CYTH1: variants seen among roughly 807,000 people sequenced by gnomAD.
CYTH1 encodes the protein cytohesin 1, also known as cytohesin-1.
CYTH1 carries 18 observed loss-of-function variants against 61.8 expected under a neutral mutation model. The ratio of observed to expected loss-of-function variants is 0.29; its 90% CI spans 0.20 to 0.43. The LOEUF (loss-of-function observed/expected upper bound fraction) is 0.43. CYTH1 is among the 20% of genes least tolerant of loss of function. The probability of loss-of-function intolerance (pLI) is 1.00; values close to 1 mark genes in which losing one functional copy is unlikely to be tolerated. For synonymous variants in CYTH1, 174 were observed against 184.3 expected (o/e 0.94, Z 0.45); for missense variants, 336 against 510.5 (o/e 0.66, Z 3.29).
chr17:78,702,037 G>C, intron 5 of CYTH1, 85 bp downstream of exon 5: 6 of 1,175,484 alleles, frequency 5.1e-6, no homozygotes, highest in Non-Finnish European at 7.5e-6. Flanking sequence ...ACCCCTCCAA[G>C]AACTTCAGAG....
At chr17:78,683,095 T>C (rs1251805898) in intron 11 of CYTH1, among the ~76,000 whole-genome samples, 1 of 152,242 alleles carries the variant, frequency 6.6e-6, no homozygotes, top group Non-Finnish European at 1.5e-5. Flanking sequence ...ACTTTTCCAT[T>C]GAGTTTTCAC....
At chr17:78,698,424 T>C (rs953470116) in intron 8 of CYTH1, 44 bp from the exon 9 acceptor site, 4 of 1,484,896 alleles carry the variant, frequency 2.7e-6, no homozygotes, top group Non-Finnish European at 2.8e-6. Flanking sequence ...TCTAGAAATA[T>C]TTTTTCCTCC....
intron 1 of CYTH1, among the ~76,000 whole-genome samples, chr17:78,772,036 T>C (rs1048711558): frequency 4.6e-5 from 7 of 152,166 alleles, no homozygotes; most frequent in Non-Finnish European, 7.3e-5. Context: ...TTCTAAATAA[T>C]TTTCCACCTC....
rs568393024 is a variant in CYTH1, at chr17:78,709,615, C to T, written c.105+35G>A. 12 of 1,608,910 alleles carry T rather than the reference C, an allele frequency of 7.5e-6. No individual in the cohort carries two copies. The African/African-American group carries it at 8.0e-5, about 11-fold the overall frequency. ...TACAAATGGAACTGTCACTGTGGTT[C>T]TTACGTTGGTGAAACCACCATGCCA... On this transcript the variant is annotated intron_variant, in intron 2 of 13. Transcript: ENST00000446868.
chr17:78,702,377 G>T lies in CYTH1; in HGVS notation c.238-137C>A. 3.0e-6 allele frequency: 3 copies of T among 991,940 alleles called. No homozygotes were observed. In the Admixed American group the frequency reaches 6.7e-5, roughly 22 times the overall value. The allele number at this position is 991,940 out of a possible 1,614,324, so 61.4% of individuals were successfully genotyped here. A position where few individuals can be genotyped will look rare whatever the true frequency, so the allele number is the denominator to read the frequency against. On this transcript the variant is annotated intron_variant, in intron 4 of 13. Transcript: ENST00000446868. The stretch of plus-strand genomic sequence containing the variant: ...ACTTGCTAAGTGACCTATAAAGCCG[G>T]GGAGTCACAGTTTAGGAACAAGGGC...
rs982006863 is a variant in CYTH1 at position 78,762,309 on chromosome 17, G to A, written c.22+19893C>T. On this transcript the variant is annotated intron_variant, in intron 1 of 13. Coordinates refer to ENST00000446868, the MANE Select transcript of CYTH1 (RefSeq NM_004762.6). ...TGGAAAGGGCGGCTTTTTTGCACAT[G>A]CCTTCCCCTACCTTTGAATTAGGAG... 2.6e-5 allele frequency among the ~76,000 whole-genome samples: 4 copies of A among 152,276 alleles called. No individual in the cohort carries two copies. The East Asian group carries it at 7.7e-4, about 29-fold the overall frequency.
intron 1 of CYTH1, among the ~76,000 whole-genome samples, chr17:78,765,345 C>A (rs2093444405): frequency 6.6e-6 from 1 of 152,136 alleles, no homozygotes; most frequent in Non-Finnish European, 1.5e-5. Context: ...TTTGGGATAT[C>A]ATAAACCCAT....
chr17:78,753,757 C>T (rs779724004), intron 1 of CYTH1, among the ~76,000 whole-genome samples: 4 of 152,158 alleles, frequency 2.6e-5, no homozygotes, highest in Non-Finnish European at 5.9e-5. Flanking sequence ...CTTTTAACTC[C>T]TGCCATCTAT....
intron 1 of CYTH1, among the ~76,000 whole-genome samples, chr17:78,718,494 C>T (rs1266250948): frequency 6.6e-6 from 1 of 152,158 alleles, no homozygotes; most frequent in African/African-American, 2.4e-5. Context: ...TAAGAAACTC[C>T]AAATATCCTG....
intron 8 of CYTH1, 119 bp downstream of exon 8, chr17:78,698,700 AC>A (rs35330990): frequency 0.032 from 40,043 of 1,246,590 alleles, 1,272 homozygotes; most frequent in South Asian, 0.14. Flanking sequence ...ACATGGTTAA[AC>A]AAATTAAAAG....
chr17:78,766,066 T>A (rs1280899486), intron 1 of CYTH1, among the ~76,000 whole-genome samples: 1 of 116,654 alleles, frequency 8.6e-6, no homozygotes, highest in Admixed American at 1.2e-4. Context: ...CAGGGCAACA[T>A]AGTGAGATCC....
At chr17:78,759,097 T>C (rs895384105) in intron 1 of CYTH1, among the ~76,000 whole-genome samples, 1 of 152,208 alleles carries the variant, frequency 6.6e-6, no homozygotes, top group Non-Finnish European at 1.5e-5. Flanking sequence ...AGTGAGATCC[T>C]GTCTCAAAAC....
At chr17:78,714,419 G>T (rs2093163703) in intron 1 of CYTH1, among the ~76,000 whole-genome samples, 1 of 152,170 alleles carries the variant, frequency 6.6e-6, no homozygotes, top group Non-Finnish European at 1.5e-5. Context: ...AGAAAGGAAA[G>T]AAACAGTGCT....
intron 1 of CYTH1, among the ~76,000 whole-genome samples, chr17:78,716,366 T>C (rs1402500052): frequency 2.0e-5 from 3 of 152,158 alleles, no homozygotes; most frequent in Admixed American, 6.5e-5. Context: ...AGACTAAAAA[T>C]GTACAACTAT....
rs370393556 is a variant in CYTH1, at chr17:78,760,355, TTA to T, written c.22+21845_22+21846del. 9.1e-3 allele frequency among the ~76,000 whole-genome samples: 477 copies of T among 52,198 alleles called. 30 individuals are homozygous for T. Among genetic ancestry groups the T allele is most frequent in the South Asian group, 0.021 (32 of 1,512 alleles). The allele number at this position is 52,198 out of a possible 152,430, so 34.2% of individuals were successfully genotyped here. A position where few individuals can be genotyped will look rare whatever the true frequency, so the allele number is the denominator to read the frequency against. ...TCTGGCCTCTATCCAAATAGCAGGT[TTA>T]TATATATATATATATATATATATAT... On this transcript the variant is annotated intron_variant, in intron 1 of 13. Coordinates refer to ENST00000446868, the MANE Select transcript of CYTH1 (RefSeq NM_004762.6).
At chr17:78,684,228 C>T (rs2092793646) in intron 11 of CYTH1, among the ~76,000 whole-genome samples, 1 of 152,220 alleles carries the variant, frequency 6.6e-6, no homozygotes, top group South Asian at 2.1e-4. Flanking sequence ...ACTCATCCTG[C>T]CACTTGAGAA....
chr17:78,726,100 G>C (rs951007096), intron 1 of CYTH1, among the ~76,000 whole-genome samples: 7 of 146,050 alleles, frequency 4.8e-5, no homozygotes, highest in African/African-American at 1.8e-4. Flanking sequence ...CTGGAGTGCA[G>C]TGGCGCGATC....
At chr17:78,698,189 G>T in intron 9 of CYTH1, 80 bp downstream of exon 9, 1 of 1,126,868 alleles carries the variant, frequency 8.9e-7, no homozygotes, top group Non-Finnish European at 1.3e-6. Context: ...GCGCACACAC[G>T]CACGCACGCA....
chr17:78,766,594 T>C (rs1281398619), intron 1 of CYTH1, among the ~76,000 whole-genome samples: 2 of 152,174 alleles, frequency 1.3e-5, no homozygotes, highest in African/African-American at 4.8e-5. Context: ...AACCCTAAGA[T>C]TAACAATGGC....
Sources: gnomAD v4.1 joint callset for allele counts (sites outside exome capture counted in the v4.1 genomes callset) on GRCh38, gnomAD v4.1.1 for gene constraint, MANE v1.5 for transcripts, NCBI Gene and HGNC (gene_info 2026-07-23, HGNC 2026-07-21) for gene names.